The following STK38 variants were observed in gnomAD, a reference collection of about 807,000 sequenced individuals.
STK38 encodes serine/threonine-protein kinase 38.
In STK38, 26 loss-of-function variants were observed where a neutral mutation model predicts 59.0. The ratio of observed to expected loss-of-function variants is 0.44; its 90% CI spans 0.32 to 0.61. The LOEUF (loss-of-function observed/expected upper bound fraction) is 0.61, where lower values mean the gene tolerates loss of function less well. Ranked by LOEUF, STK38 falls within the 20% of genes least tolerant of loss-of-function variation. The pLI is 0.04. For synonymous variants in STK38, 175 were observed against 176.6 expected (o/e 0.99, Z 0.07); for missense variants, 433 against 566.0 (o/e 0.76, Z 2.38).
At chr6:36,540,682 G>A (rs946070841) in intron 1 of STK38, among the ~76,000 whole-genome samples, 2 of 150,312 alleles carry the variant, frequency 1.3e-5, no homozygotes, top group South Asian at 2.1e-4. Context: ...GCTGGAGTGC[G>A]ACAGGATGAT....
chr6:36,533,733 G>A (rs560864599), intron 2 of STK38, among the ~76,000 whole-genome samples: 110 of 152,268 alleles, frequency 7.2e-4, no homozygotes, highest in Middle Eastern at 6.8e-3. Context: ...TAAACAAGTG[G>A]CTAAATCAAA....
intron 7 of STK38, among the ~76,000 whole-genome samples, chr6:36,511,452 GT>G (rs1005981340): frequency 6.6e-6 from 1 of 151,840 alleles, no homozygotes; most frequent in Admixed American, 6.6e-5. Context: ...TGCCTCCCGG[GT>G]TCAAGAAATT....
intron 2 of STK38, among the ~76,000 whole-genome samples, chr6:36,535,159 A>G (rs1005766110): frequency 1.3e-5 from 2 of 152,294 alleles, no homozygotes; most frequent in Non-Finnish European, 2.9e-5. Flanking sequence ...GACCTTAAAA[A>G]TGGAGACATG....
rs371899631 is a variant in STK38, at chr6:36,540,219, G to A, written c.-5-12C>T. The A allele has an allele frequency of 6.2e-7, 1 of 1,613,364 alleles. No individual in the cohort carries two copies. On this transcript the variant is annotated splice_polypyrimidine_tract_variant and intron_variant, in intron 1 of 13. Coordinates refer to ENST00000229812, the MANE Select transcript of STK38 (RefSeq NM_007271.4). The stretch of plus-strand genomic sequence containing the variant: ...CATTGCCATGGCTGCTAGAAACAAA[G>A]AAAAGAAGAGGTGTTAGATTTGGAG...
intron 2 of STK38, among the ~76,000 whole-genome samples, chr6:36,533,306 C>G (rs952084632): frequency 6.6e-6 from 1 of 152,132 alleles, no homozygotes; most frequent in Non-Finnish European, 1.5e-5. Context: ...CACCACCACA[C>G]GTGGCTTACT....
At chr6:36,534,818 C>G (rs1056359741) in intron 2 of STK38, among the ~76,000 whole-genome samples, 3 of 150,350 alleles carry the variant, frequency 2.0e-5, no homozygotes, top group African/African-American at 7.3e-5. Flanking sequence ...TATGGAATTC[C>G]CAGCTAGTGC....
intron 2 of STK38, among the ~76,000 whole-genome samples, chr6:36,533,444 A>G (rs914815173): frequency 2.6e-5 from 4 of 152,204 alleles, no homozygotes. Context: ...AAAACCACCA[A>G]TGCTGTATTT....
At chr6:36,514,622 C>G (rs1271150906) in intron 7 of STK38, among the ~76,000 whole-genome samples, 1 of 152,050 alleles carries the variant, frequency 6.6e-6, no homozygotes, top group Non-Finnish European at 1.5e-5. Context: ...TTCTAATTTG[C>G]TGTAAGTTTA....
intron 6 of STK38, among the ~76,000 whole-genome samples, chr6:36,516,876 C>G (rs551553158): frequency 1.3e-5 from 2 of 152,322 alleles, no homozygotes; most frequent in East Asian, 3.9e-4. Context: ...GGCTTGAGGA[C>G]ACGTTAGGAG....
chr6:36,517,072 T>C (rs1021621248), intron 6 of STK38, among the ~76,000 whole-genome samples: 1 of 152,058 alleles, frequency 6.6e-6, no homozygotes, highest in Non-Finnish European at 1.5e-5. Context: ...CAAAATATTA[T>C]GCCACAATTA....
At chr6:36,509,616 GGGTGGGGGGGT>G (rs919567554) in intron 7 of STK38, among the ~76,000 whole-genome samples, 2 of 151,504 alleles carry the variant, frequency 1.3e-5, no homozygotes, top group Admixed American at 1.3e-4. Context: ...GATGAGGTGG[GGGTGGGGGGGT>G]GATGACCATG....
rs1777462443 is a variant in STK38 at position 36,524,465 on chromosome 6, T to TCCTC, written c.184-3_184-2insGAGG. 4 of 1,588,126 alleles carry TCCTC rather than the reference T, an allele frequency of 2.5e-6. No individual in the cohort carries two copies. The Admixed American group carries it at 7.6e-5, about 30-fold the overall frequency. On this transcript the variant is annotated splice_region_variant and splice_polypyrimidine_tract_variant and intron_variant, in intron 3 of 13. Transcript: ENST00000229812. ...ATGTGCTGATCTCCGGAGTCGTTTC[T>TCCTC]AATATTTAAATAAAAAAGGGAGGAG...
chr6:36,496,659 G>C (rs953327119), intron 13 of STK38, 52 bp downstream of exon 13: 2 of 1,331,988 alleles, frequency 1.5e-6, no homozygotes, highest in African/African-American at 1.4e-5. Flanking sequence ...CCCAAAATTG[G>C]GGGTAAATAA....
chr6:36,544,149 G>T (rs1778005953), intron 1 of STK38, among the ~76,000 whole-genome samples: 1 of 152,024 alleles, frequency 6.6e-6, no homozygotes, highest in Non-Finnish European at 1.5e-5. Flanking sequence ...TCAAAACTAA[G>T]ACTCTACTTG....
chr6:36,523,093 T>C (rs1269765641), intron 4 of STK38, among the ~76,000 whole-genome samples: 2 of 152,082 alleles, frequency 1.3e-5, no homozygotes, highest in East Asian at 3.9e-4. Flanking sequence ...TCTTCATGTT[T>C]TTCCTAATTG....
At chr6:36,519,430 C>T (rs1206343500) in intron 5 of STK38, among the ~76,000 whole-genome samples, 1 of 152,182 alleles carries the variant, frequency 6.6e-6, no homozygotes, top group Non-Finnish European at 1.5e-5. Flanking sequence ...TCTCCCCTGG[C>T]TCCCATTAAG....
At chr6:36,529,338 T>C (rs1777612146) in intron 2 of STK38, among the ~76,000 whole-genome samples, 1 of 152,218 alleles carries the variant, frequency 6.6e-6, no homozygotes. Flanking sequence ...TTATTAAATC[T>C]GAGGGATGAA....
At chr6:36,523,538 G>C (rs1318782933) in intron 4 of STK38, among the ~76,000 whole-genome samples, 1 of 146,406 alleles carries the variant, frequency 6.8e-6, no homozygotes, top group African/African-American at 2.5e-5. Context: ...GAGATTACAG[G>C]AGTGAGCCAC....
chr6:36,498,511 GC>G, intron 10 of STK38, 25 bp from the exon 11 acceptor site: 2 of 1,602,748 alleles, frequency 1.2e-6, no homozygotes, highest in South Asian at 1.1e-5. Context: ...GAACTTCGGA[GC>G]TTTTACACTC....
Sources: allele counts gnomAD v4.1 joint callset (sites outside exome capture counted in the v4.1 genomes callset), GRCh38; gene constraint gnomAD v4.1.1; transcripts MANE v1.5; gene names NCBI Gene and HGNC (gene_info 2026-07-23, HGNC 2026-07-21).